The following ROBO1 variants were observed in gnomAD, a reference collection of about 807,000 sequenced individuals.
ROBO1 encodes the protein roundabout homolog 1.
ROBO1 carries 149 observed loss-of-function variants against 195.9 expected under a neutral mutation model. That is an observed-to-expected ratio of 0.76 (90% CI 0.67 to 0.87). The LOEUF is 0.87. ROBO1 is among the 40% of genes least tolerant of loss of function. The pLI, the probability that ROBO1 is intolerant of heterozygous loss-of-function variation, is 0.00. For synonymous variants in ROBO1, 816 were observed against 733.2 expected (o/e 1.11, Z -1.82); for missense variants, 1,933 against 2,068.3 (o/e 0.93, Z 1.27).
chr3:78,621,147 G>T (rs958241376), intron 26 of ROBO1, among the ~76,000 whole-genome samples: 3 of 151,864 alleles, frequency 2.0e-5, no homozygotes, highest in African/African-American at 7.2e-5. Flanking sequence ...TGAAAAATGT[G>T]CCAAAGCTGA....
At chr3:79,102,149 AAAT>A (rs1483802014) in intron 3 of ROBO1, among the ~76,000 whole-genome samples, 1 of 151,852 alleles carries the variant, frequency 6.6e-6, no homozygotes, top group African/African-American at 2.4e-5. Context: ...ACTTCTCAGG[AAAT>A]AATACCTTTC....
chr3:79,569,204 C>T lies in ROBO1; in HGVS notation c.88+20620G>A, dbSNP rs187717884. On this transcript the variant is annotated intron_variant, in intron 2 of 30. Transcript: ENST00000464233. ...TAAAGGTATTGATTTCTCTCGCTGACAATTTATTAAAGAACATTCCTTAAA... is the reference window on the plus strand; with the variant it reads ...TAAAGGTATTGATTTCTCTCGCTGATAATTTATTAAAGAACATTCCTTAAA... Among the ~76,000 whole-genome samples the T allele has an allele frequency of 4.4e-4, 67 of 152,302 alleles. 1 individual carries two copies. The highest frequency in any genetic ancestry group is 4.1e-3 in the Admixed American group (63 of 15,292).
chr3:79,200,351 A>G (rs1409642047), intron 2 of ROBO1, among the ~76,000 whole-genome samples: 3 of 151,738 alleles, frequency 2.0e-5, no homozygotes, highest in Non-Finnish European at 4.4e-5. Flanking sequence ...TTATTTATTT[A>G]TTTTTGTTTT....
intron 2 of ROBO1, among the ~76,000 whole-genome samples, chr3:79,550,207 A>AAAGGAAAGGAAAGGAAAGGAAAGG (rs58341695): frequency 1.9e-5 from 2 of 103,752 alleles, no homozygotes; most frequent in East Asian, 2.7e-4. Flanking sequence ...AAAAGAAAAG[A>AAAGGAAAGGAAAGGAAAGGAAAGG]AAAGAAAAGA....
At chr3:79,042,753 TA>T (rs562554075) in intron 3 of ROBO1, among the ~76,000 whole-genome samples, 88 of 152,282 alleles carry the variant, frequency 5.8e-4, no homozygotes, top group African/African-American at 2.1e-3. Context: ...TGATCTAATT[TA>T]GACGATAGAT....
At chr3:78,798,327 A>T (rs2084248569) in intron 4 of ROBO1, among the ~76,000 whole-genome samples, 1 of 152,200 alleles carries the variant, frequency 6.6e-6, no homozygotes, top group Non-Finnish European at 1.5e-5. Context: ...TTTTCACTGA[A>T]GTGTCAAATA....
chr3:78,764,972 TATAGTC>T (rs1308986535), intron 4 of ROBO1, among the ~76,000 whole-genome samples: 1 of 152,170 alleles, frequency 6.6e-6, no homozygotes, highest in Non-Finnish European at 1.5e-5. Flanking sequence ...ATGAGGAAGT[TATAGTC>T]GTGATTTTGA....
At chr3:79,623,592 A>G (rs908495319) in intron 1 of ROBO1, among the ~76,000 whole-genome samples, 6 of 152,216 alleles carry the variant, frequency 3.9e-5, no homozygotes, top group Non-Finnish European at 8.8e-5. Context: ...AAGAAAGGAT[A>G]TCAGAGTTGG....
intron 4 of ROBO1, among the ~76,000 whole-genome samples, chr3:78,866,769 A>G (rs1391205212): frequency 1.3e-5 from 2 of 152,210 alleles, no homozygotes; most frequent in Non-Finnish European, 2.9e-5. Context: ...GATAGTTCAT[A>G]TAAGGCTCTG....
chr3:79,112,369 A>T (rs1286381420), intron 3 of ROBO1, among the ~76,000 whole-genome samples: 1 of 152,096 alleles, frequency 6.6e-6, no homozygotes, highest in African/African-American at 2.4e-5. Context: ...TTTGTTGGCT[A>T]GGGTGAGTTA....
intron 3 of ROBO1, among the ~76,000 whole-genome samples, chr3:79,050,641 T>C (rs992627266): frequency 3.3e-5 from 5 of 152,144 alleles, no homozygotes; most frequent in Admixed American, 2.6e-4. Context: ...TATTCTAAAA[T>C]TGACCATATA....
chr3:79,511,385 A>G (rs1940695838), intron 2 of ROBO1, among the ~76,000 whole-genome samples: 2 of 152,160 alleles, frequency 1.3e-5, no homozygotes, highest in African/African-American at 4.8e-5. Context: ...ATTCCTTTGG[A>G]TGGATATATT....
chr3:79,630,773 C>T (rs942100893), intron 1 of ROBO1, among the ~76,000 whole-genome samples: 4 of 151,964 alleles, frequency 2.6e-5, no homozygotes, highest in Non-Finnish European at 5.9e-5. Context: ...ATAGCGATAT[C>T]AGTAAAGTTT....
intron 1 of ROBO1, among the ~76,000 whole-genome samples, chr3:79,766,197 T>C (rs1345064971): frequency 1.3e-5 from 2 of 152,026 alleles, no homozygotes; most frequent in South Asian, 4.2e-4. Flanking sequence ...CTCCTCTAAA[T>C]CAATCCACTT....
intron 1 of ROBO1, among the ~76,000 whole-genome samples, chr3:79,728,025 GA>G (rs984134908): frequency 2.0e-5 from 3 of 151,942 alleles, no homozygotes; most frequent in Non-Finnish European, 4.4e-5. Flanking sequence ...TTCAAAATTA[GA>G]AAAAATAATC....
intron 19 of ROBO1, among the ~76,000 whole-genome samples, chr3:78,651,133 A>T (rs1374590709): frequency 6.6e-6 from 1 of 152,164 alleles, no homozygotes; most frequent in Non-Finnish European, 1.5e-5. Context: ...AAAACTGTAA[A>T]CACATTCGTA....
chr3:78,669,966 A>G (rs1301169348), intron 11 of ROBO1, 130 bp downstream of exon 11: 7 of 645,946 alleles, frequency 1.1e-5, no homozygotes, highest in Non-Finnish European at 1.8e-5. Flanking sequence ...TAAAACATCA[A>G]ATTAAAAATA....
chr3:79,754,940 G>A (rs1383390944), intron 1 of ROBO1, among the ~76,000 whole-genome samples: 7 of 152,168 alleles, frequency 4.6e-5, no homozygotes, highest in South Asian at 4.1e-4. Flanking sequence ...GAGTGCAATG[G>A]TGTGATATCG....
rs561570951 is a variant in ROBO1 at position 79,763,407 on chromosome 3, G to A, written c.-51+4345C>T. On this transcript the variant is annotated intron_variant, in intron 1 of 30. Coordinates refer to ENST00000464233, the MANE Select transcript of ROBO1 (RefSeq NM_002941.4). ...ACCAAATTAGACAGCAGATGTTATTGGAAATTACTTGGAATTTCAGAGGTA... is the reference window on the plus strand; with the variant it reads ...ACCAAATTAGACAGCAGATGTTATTAGAAATTACTTGGAATTTCAGAGGTA... Among the ~76,000 whole-genome samples, 12 of 152,192 alleles carry A rather than the reference G, an allele frequency of 7.9e-5. No homozygotes were observed. In the East Asian group the frequency reaches 1.2e-3, roughly 15 times the overall value.
Sources: gnomAD v4.1 joint callset for allele counts (sites outside exome capture counted in the v4.1 genomes callset) on GRCh38, gnomAD v4.1.1 for gene constraint, MANE v1.5 for transcripts, NCBI Gene and HGNC (gene_info 2026-07-23, HGNC 2026-07-21) for gene names.